FANCA: variants seen among roughly 807,000 people sequenced by gnomAD.
The protein encoded by FANCA is Fanconi anemia group A protein.
Under a neutral mutation model 194.3 loss-of-function variants are expected in FANCA, and 236 were observed. The ratio of observed to expected loss-of-function variants is 1.21; its 90% CI spans 1.09 to 1.35. FANCA has a LOEUF of 1.35. Ranked by LOEUF, FANCA falls within the 40% of genes most tolerant of loss-of-function variation. FANCA has a pLI of 0.00. For missense variants in FANCA, 2,628 were observed against 1,813.9 expected, an observed-to-expected ratio of 1.45 and a Z score of -8.15; for synonymous variants, 1,014 against 715.8, an observed-to-expected ratio of 1.42 and a Z score of -6.65.
Position 89,808,329 on chromosome 16 carries a change from T to A in FANCA, c.561A>T (p.Val187=), listed in dbSNP as rs1050053060. Residue 187 remains valine, a synonymous_variant, in exon 6 of 43, where the codon GTA becomes GTT. Coordinates refer to ENST00000389301, the MANE Select transcript of FANCA (RefSeq NM_000135.4). ...GCTCTTGCAGGCTCACAATGCCTTG[T>A]ACGTGAAGATGCCACACCGCTTCAA... ...LLLEAVWHLH[V]QGIVSLQELL... 5.0e-6 allele frequency: 8 copies of A among 1,614,166 alleles called. No individual in the cohort carries two copies. Among genetic ancestry groups the A allele is most frequent in the Non-Finnish European group, 6.8e-6 (8 of 1,180,028 alleles).
At chr16:89,767,258 A>G (rs763245690) in intron 26 of FANCA, 21 bp from the exon 27 acceptor site, 2 of 1,512,342 alleles carry the variant, frequency 1.3e-6, no homozygotes, top group Admixed American at 3.3e-5. Flanking sequence ...AAATTATAAC[A>G]TATAAATGTA....
Position 89,808,377 on chromosome 16 carries a change from A to G in FANCA, c.523-10T>C, listed in dbSNP as rs776200171. 6.2e-7 allele frequency: 1 copy of G among 1,614,050 alleles called. No homozygotes were observed. Among genetic ancestry groups the G allele is most frequent in the South Asian group, 1.1e-5 (1 of 91,062 alleles). On this transcript the variant is annotated splice_polypyrimidine_tract_variant and intron_variant, in intron 5 of 42. Coordinates refer to ENST00000389301, the MANE Select transcript of FANCA (RefSeq NM_000135.4). ...CAAGCAACAAAGAACTCTGAAAAACAAAACAAAACAAACAAAAACAAAAAC... is the reference window on the plus strand; with the variant it reads ...CAAGCAACAAAGAACTCTGAAAAACGAAACAAAACAAACAAAAACAAAAAC...
chr16:89,742,800 C>T lies in FANCA; in HGVS notation c.3765G>A (p.Glu1255=). ...TCAGTAAAAGAATTTCCTATCTTGC[C>T]TCCTCTCTCTCGCAGTCCAGCTTCT... ...QLKKLDCERE[E]LLVFLFFFSL... is the part of the protein sequence containing the mutation. The change falls in exon 37 of 43, where the codon GAG becomes GAA. Residue 1255 remains glutamate (E), a splice_region_variant and synonymous_variant. Transcript: ENST00000389301. The T allele has an allele frequency of 6.2e-7, 1 of 1,614,002 alleles. No individual in the cohort carries two copies. Among genetic ancestry groups the T allele is most frequent in the Non-Finnish European group, 8.5e-7 (1 of 1,179,954 alleles).
In FANCA at chr16:89,764,878, A is replaced by G. The variant is rs775047268; in HGVS notation, c.2778+12T>C. On this transcript the variant is annotated intron_variant, in intron 28 of 42. Coordinates refer to ENST00000389301, the MANE Select transcript of FANCA (RefSeq NM_000135.4). ...GACGTGGCATGATGCAGGAGAAGGAACGGTCACCTACGTGAACATCTTCCT... is the reference window on the plus strand; with the variant it reads ...GACGTGGCATGATGCAGGAGAAGGAGCGGTCACCTACGTGAACATCTTCCT... 3.7e-5 allele frequency: 59 copies of G among 1,613,416 alleles called. No individual in the cohort carries two copies. The highest frequency in any genetic ancestry group is 6.7e-5 in the African/African-American group (5 of 74,918).
At chr16:89,781,325 C>T (rs533899284) in intron 17 of FANCA, among the ~76,000 whole-genome samples, 1 of 132,472 alleles carries the variant, frequency 7.5e-6, no homozygotes, top group South Asian at 2.5e-4. Context: ...GACTGCGCCA[C>T]TGCACTCCAG....
At chr16:89,752,925 T>C (rs1357389935) in intron 30 of FANCA, among the ~76,000 whole-genome samples, 1 of 152,114 alleles carries the variant, frequency 6.6e-6, no homozygotes, top group Non-Finnish European at 1.5e-5. Context: ...ACTCTGCTCC[T>C]CCACCTCTTG....
chr16:89,739,658 G>C, intron 39 of FANCA, 105 bp from the exon 40 acceptor site: 1 of 1,508,168 alleles, frequency 6.6e-7, no homozygotes, highest in Non-Finnish European at 9.0e-7. Context: ...AGGCCTGGCT[G>C]TGGGGATAGT....
intron 8 of FANCA, among the ~76,000 whole-genome samples, chr16:89,802,334 C>T (rs1271111545): frequency 2.6e-5 from 4 of 151,422 alleles, no homozygotes; most frequent in African/African-American, 9.7e-5. Context: ...AACTCCTGAC[C>T]TCAGGGGATC....
At chr16:89,781,831 C>G (rs975035109) in intron 17 of FANCA, among the ~76,000 whole-genome samples, 1 of 149,768 alleles carries the variant, frequency 6.7e-6, no homozygotes, top group Non-Finnish European at 1.5e-5. Context: ...AACCTCATCT[C>G]TACTAAAAAT....
intron 36 of FANCA, chr16:89,744,714 T>C: frequency 1.8e-6 from 1 of 553,968 alleles, no homozygotes. Flanking sequence ...TATTGGCCGT[T>C]GGAGTGATCT....
Position 89,781,418 on chromosome 16 carries a change from A to G in FANCA, c.1626+1441T>C, listed in dbSNP as rs1299494602. Among the ~76,000 whole-genome samples, 3 of 150,512 alleles carry G rather than the reference A, an allele frequency of 2.0e-5. No individual in the cohort carries two copies. The East Asian group carries it at 5.8e-4, about 29-fold the overall frequency. ...GCTGGGCACAGTGGCTCATGCCTGT[A>G]ATCCCAGGACTTTGGGAGGCCAAGG... On this transcript the variant is annotated intron_variant, in intron 17 of 42. Transcript: ENST00000389301.
intron 26 of FANCA, among the ~76,000 whole-genome samples, chr16:89,768,585 G>A (rs1394417165): frequency 1.3e-5 from 2 of 152,070 alleles, no homozygotes; most frequent in Non-Finnish European, 2.9e-5. Flanking sequence ...GAACCCGGGA[G>A]GCGGAGGTTA....
chr16:89,739,834 A>C, intron 39 of FANCA, 160 bp downstream of exon 39: 1 of 1,486,944 alleles, frequency 6.7e-7, no homozygotes, highest in Non-Finnish European at 8.9e-7. Context: ...AAATTATCTT[A>C]TTGCTTTAAA....
chr16:89,741,471 G>A (rs1446723475), intron 37 of FANCA, among the ~76,000 whole-genome samples: 3 of 152,218 alleles, frequency 2.0e-5, no homozygotes, highest in Non-Finnish European at 4.4e-5. Flanking sequence ...TATGCGTTGC[G>A]GATCTCGGGC....
chr16:89,787,899 G>A (rs368387824), intron 14 of FANCA, among the ~76,000 whole-genome samples: 1 of 151,650 alleles, frequency 6.6e-6, no homozygotes, highest in Non-Finnish European at 1.5e-5. Flanking sequence ...TTTGAGACGG[G>A]GTCTTGCTCC....
Position 89,745,138 on chromosome 16 carries a change from A to G in FANCA, c.3514-67T>C, listed in dbSNP as rs2074904. 112,207 of 1,451,392 alleles carry G rather than the reference A, an allele frequency of 0.077. 5,205 individuals are homozygous for G. The highest frequency in any genetic ancestry group is 0.16 in the East Asian group (6,472 of 40,494). 89.9% of individuals were successfully genotyped at this position (1,451,392 alleles called of 1,614,324 possible). ...TGGACACACCTCCGCTGCCCCAGCC[A>G]TGACAAGCCCCCAGTGCTCCTACAG... On this transcript the variant is annotated intron_variant, in intron 35 of 42. Coordinates refer to ENST00000389301, the MANE Select transcript of FANCA (RefSeq NM_000135.4).
At chr16:89,757,189 T>C (rs1017772950) in intron 30 of FANCA, among the ~76,000 whole-genome samples, 2 of 152,174 alleles carry the variant, frequency 1.3e-5, no homozygotes, top group African/African-American at 2.4e-5. Context: ...CTCGAGCTCC[T>C]GAGCTCAGAT....
At chr16:89,772,251 A>G (rs1329730697) in intron 22 of FANCA, among the ~76,000 whole-genome samples, 1 of 152,250 alleles carries the variant, frequency 6.6e-6, no homozygotes, top group East Asian at 1.9e-4. Context: ...CCTGACATGT[A>G]TCAACCTCTT....
At position 89,815,991 on chromosome 16, in the gene FANCA, GGA is replaced by G. The variant is rs2041103299; in HGVS notation, c.80-7_80-6del. Reference sequence around the variant, plus strand: ...TTTCCCTCTTGACCCTTCCCGCTACGGAGAGAAGTCGGTTCGAAACCATCACA... The same window carrying G: ...TTTCCCTCTTGACCCTTCCCGCTACGGAGAAGTCGGTTCGAAACCATCACA... On this transcript the variant is annotated splice_polypyrimidine_tract_variant and splice_region_variant and intron_variant, in intron 1 of 42. Coordinates refer to ENST00000389301, the MANE Select transcript of FANCA (RefSeq NM_000135.4). The G allele has an allele frequency of 6.2e-7, 1 of 1,608,144 alleles. No homozygotes were observed. Among genetic ancestry groups the G allele is most frequent in the Admixed American group, 1.7e-5 (1 of 60,004 alleles).
Sources: allele counts gnomAD v4.1 joint callset (sites outside exome capture counted in the v4.1 genomes callset), GRCh38; gene constraint gnomAD v4.1.1; transcripts MANE v1.5; gene names NCBI Gene and HGNC (gene_info 2026-07-23, HGNC 2026-07-21).